Variants in CA10 observed in about 807,000 individuals in gnomAD.
CA10 encodes carbonic anhydrase-related protein 10.
In CA10, 14 loss-of-function variants were observed where a neutral mutation model predicts 44.2. That is an observed-to-expected ratio of 0.32 (90% CI 0.21 to 0.50). The LOEUF (loss-of-function observed/expected upper bound fraction) is 0.50. Among genes scored for constraint, CA10 ranks in the 20% least tolerant of loss-of-function variants. The pLI is 0.99. For missense variants in CA10, 350 were observed against 409.7 expected, an observed-to-expected ratio of 0.85 and a Z score of 1.26; for synonymous variants, 159 against 141.6, an observed-to-expected ratio of 1.12 and a Z score of -0.87.
At chr17:51,945,546 C>A (rs906232517) in intron 2 of CA10, among the ~76,000 whole-genome samples, 1 of 152,074 alleles carries the variant, frequency 6.6e-6, no homozygotes, top group Non-Finnish European at 1.5e-5. Context: ...CCAGGTAAGC[C>A]GATGTCAGCT....
At position 52,060,905 on chromosome 17, in the gene CA10, T is replaced by C. The variant is rs549095138; in HGVS notation, c.136+11414A>G. 3.3e-5 allele frequency among the ~76,000 whole-genome samples: 5 copies of C among 152,306 alleles called. No homozygotes were observed. The South Asian group carries it at 1.0e-3, about 32-fold the overall frequency. The stretch of plus-strand genomic sequence containing the variant: ...AGTAACTTTATCTAATTTGCTTTGT[T>C]TTCTCATCTGGAAAAAGGGGAGTAT... On this transcript the variant is annotated intron_variant, in intron 2 of 8. Transcript: ENST00000451037.
chr17:51,911,264 C>A (rs182388423), intron 3 of CA10, among the ~76,000 whole-genome samples: 43 of 152,240 alleles, frequency 2.8e-4, no homozygotes, highest in African/African-American at 9.4e-4. Context: ...AAGAAATACA[C>A]GCTGATGTTT....
chr17:51,825,309 T>A (rs957452140), intron 3 of CA10, among the ~76,000 whole-genome samples: 4 of 152,160 alleles, frequency 2.6e-5, no homozygotes, highest in African/African-American at 9.7e-5. Context: ...TTCCTTCTTT[T>A]TTTTTTAACT....
chr17:51,828,317 C>T (rs1467696685), intron 3 of CA10, among the ~76,000 whole-genome samples: 1 of 152,208 alleles, frequency 6.6e-6, no homozygotes, highest in East Asian at 1.9e-4. Flanking sequence ...AAGTCTCCCA[C>T]ATGTCCTAGC....
chr17:51,854,097 C>T (rs1018428507), intron 3 of CA10, among the ~76,000 whole-genome samples: 2 of 152,196 alleles, frequency 1.3e-5, no homozygotes, highest in Admixed American at 6.5e-5. Flanking sequence ...CACTTGGCCA[C>T]GGATGAGAGG....
At chr17:51,965,261 G>T (rs1984038651) in intron 2 of CA10, among the ~76,000 whole-genome samples, 1 of 151,352 alleles carries the variant, frequency 6.6e-6, no homozygotes, top group East Asian at 1.9e-4. Flanking sequence ...ACATAAAAAA[G>T]CCCCAAACCA....
intron 2 of CA10, among the ~76,000 whole-genome samples, chr17:51,993,529 T>G (rs1189241639): frequency 2.0e-5 from 3 of 151,964 alleles, no homozygotes; most frequent in Admixed American, 2.0e-4. Flanking sequence ...TGAACAGAAA[T>G]CCTCCCCAGT....
chr17:51,753,024 A>G (rs1567828084), intron 3 of CA10, among the ~76,000 whole-genome samples: 1 of 152,236 alleles, frequency 6.6e-6, no homozygotes, highest in African/African-American at 2.4e-5. Context: ...AGGCAGTTCC[A>G]GAAAAAGTGG....
At chr17:51,897,237 G>T (rs551043928) in intron 3 of CA10, among the ~76,000 whole-genome samples, 1 of 152,102 alleles carries the variant, frequency 6.6e-6, no homozygotes, top group Non-Finnish European at 1.5e-5. Context: ...ACCTTGAATT[G>T]ATTTGATTTT....
At chr17:51,643,254 TTC>T (rs1371035975) in intron 6 of CA10, among the ~76,000 whole-genome samples, 1 of 152,176 alleles carries the variant, frequency 6.6e-6, no homozygotes. Flanking sequence ...TTAATTGGGA[TTC>T]TGTTAATTAA....
At chr17:52,129,706 C>T (rs1598230036) in intron 1 of CA10, among the ~76,000 whole-genome samples, 1 of 152,252 alleles carries the variant, frequency 6.6e-6, no homozygotes, top group South Asian at 2.1e-4. Context: ...GTTTGATGCC[C>T]ATGGGCTTTT....
intron 2 of CA10, among the ~76,000 whole-genome samples, chr17:51,934,857 A>T (rs758029493): frequency 2.0e-5 from 3 of 152,160 alleles, no homozygotes; most frequent in Non-Finnish European, 2.9e-5. Flanking sequence ...TAGGGAACTC[A>T]AGTGCCGAAT....
At chr17:52,157,059 C>A (rs185813290) in intron 1 of CA10, among the ~76,000 whole-genome samples, 170 of 152,252 alleles carry the variant, frequency 1.1e-3, no homozygotes, top group Non-Finnish European at 4.6e-4. Flanking sequence ...CCCAAGTAGA[C>A]TGAGAGGTCT....
chr17:51,720,910 A>T (rs1310995364), intron 4 of CA10, among the ~76,000 whole-genome samples: 1 of 152,208 alleles, frequency 6.6e-6, no homozygotes. Context: ...TTCTCACCAT[A>T]AAAAAATGAT....
At chr17:51,938,801 C>T (rs1463331278) in intron 2 of CA10, among the ~76,000 whole-genome samples, 2 of 152,024 alleles carry the variant, frequency 1.3e-5, no homozygotes, top group Non-Finnish European at 2.9e-5. Context: ...CTTGACACAT[C>T]TTATCTTGCT....
chr17:51,746,378 T>C (rs1244382067), intron 4 of CA10, among the ~76,000 whole-genome samples: 1 of 152,186 alleles, frequency 6.6e-6, no homozygotes, highest in Non-Finnish European at 1.5e-5. Flanking sequence ...TCAAGTAACA[T>C]CCCAAGATCA....
chr17:51,884,967 A>G (rs1168717825), intron 3 of CA10, among the ~76,000 whole-genome samples: 2 of 152,164 alleles, frequency 1.3e-5, no homozygotes, highest in East Asian at 1.9e-4. Flanking sequence ...GATATCAGTC[A>G]TTGAAATTAG....
At position 51,829,999 on chromosome 17, in the gene CA10, C is replaced by T. The variant is rs1389870137; in HGVS notation, c.280-82181G>A. On this transcript the variant is annotated intron_variant, in intron 3 of 8. Coordinates refer to ENST00000451037, the MANE Select transcript of CA10 (RefSeq NM_020178.5). ...AGATCACGAGGTTAAGAGATCGAGA[C>T]CATTCTGGCCAATATGGTGAAACCC... Among the ~76,000 whole-genome samples the T allele has an allele frequency of 3.3e-5, 5 of 151,954 alleles. No homozygotes were observed. In the East Asian group the frequency reaches 9.6e-4, roughly 29 times the overall value.
intron 4 of CA10, among the ~76,000 whole-genome samples, chr17:51,661,299 G>C (rs1337169797): frequency 6.6e-6 from 1 of 152,134 alleles, no homozygotes; most frequent in Non-Finnish European, 1.5e-5. Context: ...ATGTCCCAAG[G>C]GACAGAGAGA....
Sources: allele counts gnomAD v4.1 joint callset (sites outside exome capture counted in the v4.1 genomes callset), GRCh38; gene constraint gnomAD v4.1.1; transcripts MANE v1.5; gene names NCBI Gene and HGNC (gene_info 2026-07-23, HGNC 2026-07-21).